Variants in ARHGEF7 observed in about 807,000 individuals in gnomAD.
ARHGEF7 encodes the protein PAK-interacting exchange factor beta.
Under a neutral mutation model 109.8 loss-of-function variants are expected in ARHGEF7, and 33 were observed. The observed-to-expected ratio is 0.30, with a 90% CI of 0.23 to 0.40. The LOEUF (loss-of-function observed/expected upper bound fraction) is 0.40. Ranked by LOEUF, ARHGEF7 falls within the 10% of genes least tolerant of loss-of-function variation. The pLI, the probability that ARHGEF7 is intolerant of heterozygous loss-of-function variation, is 1.00. For missense variants in ARHGEF7, 938 were observed against 1,098.5 expected (o/e 0.85, Z 2.07); for synonymous variants, 458 against 424.6 (o/e 1.08, Z -0.97).
intron 1 of ARHGEF7, chr13:111,153,555 A>G: frequency 2.1e-6 from 2 of 970,826 alleles, no homozygotes; most frequent in South Asian, 3.0e-5. Context: ...GCTCGCCGGC[A>G]AAGCAGGGTG....
chr13:111,215,770 G>A (rs954774691), intron 4 of ARHGEF7, among the ~76,000 whole-genome samples: 3 of 152,116 alleles, frequency 2.0e-5, no homozygotes, highest in South Asian at 2.1e-4. Context: ...AGCTCTTGGA[G>A]CCTGTGCCCT....
chr13:111,154,245 G>C (rs1261651746), intron 2 of ARHGEF7, among the ~76,000 whole-genome samples: 1 of 152,240 alleles, frequency 6.6e-6, no homozygotes, highest in East Asian at 1.9e-4. Flanking sequence ...TCTCGTTCCA[G>C]TGAGGAAGAG....
chr13:111,300,272 G>A (rs1027809859), intron 19 of ARHGEF7, among the ~76,000 whole-genome samples: 2 of 152,176 alleles, frequency 1.3e-5, no homozygotes, highest in African/African-American at 4.8e-5. Flanking sequence ...TAAACCATGT[G>A]CTATGATGCT....
At chr13:111,191,434 A>C (rs770984728) in intron 2 of ARHGEF7, among the ~76,000 whole-genome samples, 10 of 152,194 alleles carry the variant, frequency 6.6e-5, no homozygotes, top group Non-Finnish European at 1.3e-4. Flanking sequence ...GTTGGATTGC[A>C]CGTCCTGTTA....
Position 111,171,489 on chromosome 13 carries a change from G to A in ARHGEF7, c.252+17498G>A, listed in dbSNP as rs141915625. On this transcript the variant is annotated intron_variant, in intron 2 of 21. Transcript: ENST00000646102. The stretch of plus-strand genomic sequence containing the variant: ...GTTTATAGAGTTACACTTTAATATC[G>A]CTCCAGGTTACATGCTTGAATCTAC... Among the ~76,000 whole-genome samples, 333 of 152,234 alleles carry A rather than the reference G, an allele frequency of 2.2e-3. 2 individuals carry two copies. The highest frequency in any genetic ancestry group is 7.4e-3 in the African/African-American group (307 of 41,524).
At chr13:111,292,074 C>G (rs1482865421) in intron 18 of ARHGEF7, 44 bp from the exon 19 acceptor site, 2 of 1,556,780 alleles carry the variant, frequency 1.3e-6, no homozygotes. Flanking sequence ...TTCTCCTCCT[C>G]ACCCCCTGCC....
intron 4 of ARHGEF7, among the ~76,000 whole-genome samples, chr13:111,215,798 T>A (rs113060421): frequency 2.0e-5 from 3 of 152,206 alleles, no homozygotes; most frequent in African/African-American, 7.2e-5. Context: ...TCTCTCTTGG[T>A]TGTGAGCCAG....
intron 3 of ARHGEF7, chr13:111,209,343 T>C (rs987176561): frequency 2.0e-5 from 3 of 152,448 alleles, no homozygotes; most frequent in African/African-American, 7.2e-5. Flanking sequence ...AGCAACTTCA[T>C]GAGGTGAGTA....
intron 3 of ARHGEF7, among the ~76,000 whole-genome samples, chr13:111,206,425 C>T (rs942390686): frequency 1.5e-4 from 23 of 152,046 alleles, no homozygotes; most frequent in Admixed American, 5.9e-4. Context: ...GATGCCCCGG[C>T]GAGAGGCACT....
At chr13:111,256,984 A>G (rs2090496740) in intron 8 of ARHGEF7, among the ~76,000 whole-genome samples, 1 of 152,172 alleles carries the variant, frequency 6.6e-6, no homozygotes, top group South Asian at 2.1e-4. Flanking sequence ...AATTGTGGCA[A>G]TTTTTGCTTC....
At chr13:111,241,066 C>T (rs7985441) in intron 6 of ARHGEF7, 503,257 of 1,366,750 alleles carry the variant, frequency 0.37, 97,275 homozygotes, top group Middle Eastern at 0.41. Context: ...TGCTCTGAGG[C>T]GGGCAGCATA....
intron 1 of ARHGEF7, among the ~76,000 whole-genome samples, chr13:111,116,846 T>C (rs1470425288): frequency 6.6e-6 from 1 of 152,268 alleles, no homozygotes; most frequent in Non-Finnish European, 1.5e-5. Flanking sequence ...GAATTTGGCT[T>C]GCATTCCACT....
intron 4 of ARHGEF7, among the ~76,000 whole-genome samples, chr13:111,211,202 G>T (rs1181836691): frequency 6.6e-6 from 1 of 152,164 alleles, no homozygotes; most frequent in Non-Finnish European, 1.5e-5. Context: ...CTTTGCAGGA[G>T]CCTGTTCTGG....
At chr13:111,165,933 G>C (rs1172854382) in intron 2 of ARHGEF7, among the ~76,000 whole-genome samples, 2 of 152,284 alleles carry the variant, frequency 1.3e-5, no homozygotes, top group Non-Finnish European at 2.9e-5. Flanking sequence ...GGTGAGATTA[G>C]GGCTGGGGAG....
chr13:111,274,310 T>G (rs2092353421), intron 10 of ARHGEF7, among the ~76,000 whole-genome samples: 1 of 152,228 alleles, frequency 6.6e-6, no homozygotes, highest in South Asian at 2.1e-4. Flanking sequence ...ATTGTGCTCT[T>G]TTAATTTTGA....
At chr13:111,219,926 A>C (rs9515395) in intron 5 of ARHGEF7, among the ~76,000 whole-genome samples, 15,250 of 152,196 alleles carry the variant, frequency 0.1, 977 homozygotes, top group Non-Finnish European at 0.15. Context: ...AAATCCGTTC[A>C]TGTGTAGAGC....
chr13:111,264,216 GTGT>G (rs536676574), intron 8 of ARHGEF7, among the ~76,000 whole-genome samples: 48 of 152,340 alleles, frequency 3.2e-4, no homozygotes, highest in African/African-American at 9.6e-4. Context: ...AATTAGACCA[GTGT>G]TGTTGAGAGC....
At chr13:111,204,919 C>T (rs1246505560) in intron 2 of ARHGEF7, among the ~76,000 whole-genome samples, 2 of 152,246 alleles carry the variant, frequency 1.3e-5, no homozygotes, top group Non-Finnish European at 2.9e-5. Context: ...CACGCCTTGC[C>T]TGGGGCCTCT....
chr13:111,281,749 A>C (rs1462535323), intron 15 of ARHGEF7, among the ~76,000 whole-genome samples: 3 of 152,030 alleles, frequency 2.0e-5, no homozygotes, highest in Admixed American at 6.5e-5. Flanking sequence ...ATTTTATATC[A>C]AGTCAGCTTT....
Sources: gnomAD v4.1 joint callset for allele counts (sites outside exome capture counted in the v4.1 genomes callset) on GRCh38, gnomAD v4.1.1 for gene constraint, MANE v1.5 for transcripts, NCBI Gene and HGNC (gene_info 2026-07-23, HGNC 2026-07-21) for gene names.